Variants in SBF2 observed in about 807,000 individuals in gnomAD.
SBF2 encodes myotubularin-related protein 13.
A neutral mutation model predicts 225.2 loss-of-function variants in SBF2; 112 were observed. The ratio of observed to expected loss-of-function variants is 0.50; its 90% CI spans 0.43 to 0.58. The LOEUF (loss-of-function observed/expected upper bound fraction) is 0.58. Among genes scored for constraint, SBF2 ranks in the 20% least tolerant of loss-of-function variants. The probability of loss-of-function intolerance (pLI) is 0.00; values close to 1 mark genes in which losing one functional copy is unlikely to be tolerated. For missense variants in SBF2, 1,996 were observed against 2,206.2 expected, an observed-to-expected ratio of 0.90 and a Z score of 1.91; for synonymous variants, 763 against 773.3, an observed-to-expected ratio of 0.99 and a Z score of 0.22.
chr11:9,920,178 C>T (rs1863491215), intron 16 of SBF2, among the ~76,000 whole-genome samples: 1 of 135,768 alleles, frequency 7.4e-6, no homozygotes, highest in African/African-American at 2.6e-5. Context: ...ACTGCAAATA[C>T]TATATGTGTG....
chr11:10,081,564 T>C (rs868083871), intron 2 of SBF2, among the ~76,000 whole-genome samples: 1 of 151,834 alleles, frequency 6.6e-6, no homozygotes, highest in African/African-American at 2.4e-5. Flanking sequence ...ATCGAGACCA[T>C]CCTGGCTAAC....
chr11:10,076,751 T>C (rs1165530778), intron 2 of SBF2, among the ~76,000 whole-genome samples: 7 of 152,310 alleles, frequency 4.6e-5, no homozygotes, highest in South Asian at 4.1e-4. Context: ...TGTCCCTGTA[T>C]TGGCTCTTTG....
Position 9,780,411 on chromosome 11 carries a change from A to G in SBF2, c.*7T>C, listed in dbSNP as rs1409998071. 5 of 1,611,582 alleles carry G rather than the reference A, an allele frequency of 3.1e-6. No individual in the cohort carries two copies. In the African/African-American group the frequency reaches 5.3e-5, roughly 17 times the overall value. ...TCTGTTTCTTCTGCGTGGGTTGACCATGGGCATCAGGCATCAGAGATACAA... is the reference window on the plus strand; with the variant it reads ...TCTGTTTCTTCTGCGTGGGTTGACCGTGGGCATCAGGCATCAGAGATACAA... On this transcript the variant is annotated 3_prime_UTR_variant, in exon 40 of 40. Transcript: ENST00000256190.
At chr11:9,789,023 G>T in intron 35 of SBF2, 86 bp downstream of exon 35, 2 of 1,124,678 alleles carry the variant, frequency 1.8e-6, no homozygotes, top group South Asian at 1.3e-5. Flanking sequence ...GGAGAGCCAT[G>T]TTCAGAAGTT....
intron 6 of SBF2, among the ~76,000 whole-genome samples, chr11:10,006,965 G>A (rs189806407): frequency 6.6e-6 from 1 of 152,298 alleles, no homozygotes; most frequent in Admixed American, 6.5e-5. Context: ...AAGAATATAG[G>A]ATGGCCCAAG....
At chr11:10,064,667 T>A (rs569820433) in intron 2 of SBF2, among the ~76,000 whole-genome samples, 2 of 152,190 alleles carry the variant, frequency 1.3e-5, no homozygotes, top group East Asian at 3.9e-4. Flanking sequence ...ATTTCAGAAA[T>A]TTTTTTTAAA....
At chr11:10,053,223 A>T (rs1220875005) in intron 2 of SBF2, among the ~76,000 whole-genome samples, 1 of 152,198 alleles carries the variant, frequency 6.6e-6, no homozygotes, top group Non-Finnish European at 1.5e-5. Context: ...AGATGTTTAT[A>T]ATTTTTTATA....
intron 33 of SBF2, among the ~76,000 whole-genome samples, chr11:9,792,187 T>G (rs1423945539): frequency 6.6e-6 from 1 of 152,124 alleles, no homozygotes; most frequent in African/African-American, 2.4e-5. Context: ...ATCCCAGCAC[T>G]TTGGGAGGCT....
intron 16 of SBF2, chr11:9,929,283 A>C (rs1032930232): frequency 1.7e-5 from 3 of 177,088 alleles, no homozygotes; most frequent in South Asian, 1.6e-4. Context: ...AACAAAAAAA[A>C]AAAAACCATC....
chr11:10,112,332 C>A (rs1952913996), intron 2 of SBF2, among the ~76,000 whole-genome samples: 1 of 152,154 alleles, frequency 6.6e-6, no homozygotes, highest in Non-Finnish European at 1.5e-5. Flanking sequence ...GGGGGTGGGT[C>A]TTTCCTGCAC....
At chr11:9,881,935 C>T (rs975725612) in intron 17 of SBF2, among the ~76,000 whole-genome samples, 1 of 152,058 alleles carries the variant, frequency 6.6e-6, no homozygotes, top group Non-Finnish European at 1.5e-5. Flanking sequence ...CTGCAGTGAG[C>T]CATGATTTTG....
intron 29 of SBF2, 83 bp downstream of exon 29, chr11:9,816,757 A>G: frequency 7.2e-7 from 1 of 1,394,472 alleles, no homozygotes; most frequent in Non-Finnish European, 1.0e-6. Flanking sequence ...AAAAAATTCT[A>G]GCAAAGCTGG....
At chr11:9,908,551 C>A (rs918730686) in intron 16 of SBF2, among the ~76,000 whole-genome samples, 1 of 152,108 alleles carries the variant, frequency 6.6e-6, no homozygotes, top group Admixed American at 6.6e-5. Context: ...GGCGTGAACC[C>A]GGGAGGCGGA....
intron 33 of SBF2, among the ~76,000 whole-genome samples, chr11:9,794,676 C>CAAAAA (rs575749593): frequency 0.1 from 3,612 of 35,330 alleles, 1,418 homozygotes; most frequent in Non-Finnish European, 0.14. Flanking sequence ...GACTCCGTCT[C>CAAAAA]AAAAAAAAAA....
intron 13 of SBF2, among the ~76,000 whole-genome samples, chr11:9,978,749 G>A (rs1225391913): frequency 6.6e-6 from 1 of 151,990 alleles, no homozygotes. Context: ...CTCAAGCCTC[G>A]ACCTCCTTGG....
chr11:9,828,027 G>A, intron 28 of SBF2: 1 of 636,118 alleles, frequency 1.6e-6, no homozygotes, highest in Non-Finnish European at 2.3e-6. Context: ...AGAACAATTT[G>A]AATCATAATT....
chr11:9,822,503 G>A (rs1330838186), intron 28 of SBF2, among the ~76,000 whole-genome samples: 1 of 151,972 alleles, frequency 6.6e-6, no homozygotes, highest in Middle Eastern at 3.2e-3. Context: ...CACGTGATCC[G>A]CCCGCCTCGG....
chr11:10,072,752 G>T (rs1400789203), intron 2 of SBF2, among the ~76,000 whole-genome samples: 1 of 132,252 alleles, frequency 7.6e-6, no homozygotes, highest in Non-Finnish European at 1.6e-5. Context: ...TTTTTTTGGA[G>T]ACAGGGTCTC....
chr11:9,812,648 G>A lies in SBF2; in HGVS notation c.4039C>T (p.Arg1347Trp), dbSNP rs750938785. The change falls in exon 30 of 40, where the codon CGG (arginine) becomes TGG (tryptophan). Residue 1347 changes from arginine to tryptophan, a missense_variant. Physicochemically the swap from Arg to Trp is moderately radical, Grantham distance 101. Transcript: ENST00000256190. ...TTCTTAAAACTGGCTTTCACTTGCC[G>A]GATTTCATGAAATTCAACAGGAACA... The part of the protein sequence containing the change: ...EFVPVEFHEI[R>W]QVKASFKKLM... The A allele has an allele frequency of 1.4e-5, 23 of 1,614,032 alleles. No homozygotes were observed. The highest frequency in any genetic ancestry group is 8.0e-5 in the African/African-American group (6 of 74,916).
Sources: allele counts gnomAD v4.1 joint callset (sites outside exome capture counted in the v4.1 genomes callset), GRCh38; gene constraint gnomAD v4.1.1; transcripts MANE v1.5; gene names NCBI Gene and HGNC (gene_info 2026-07-23, HGNC 2026-07-21).